Variants in TMEM272 observed in about 807,000 individuals in gnomAD.
The protein encoded by TMEM272 is transmembrane protein 272.
In TMEM272, 8 loss-of-function variants were observed where a neutral mutation model predicts 3.7. The ratio of observed to expected loss-of-function variants is 2.17; its 90% confidence interval spans 1.27 to 3.91. The LOEUF is 3.91. TMEM272 is among the 30% of genes most tolerant of loss of function. The probability of loss-of-function intolerance (pLI) is 0.00; values close to 1 mark genes in which losing one functional copy is unlikely to be tolerated. For synonymous variants in TMEM272, 63 were observed against 39.8 expected (o/e 1.58, Z -2.20); for missense variants, 166 against 91.5 (o/e 1.81, Z -3.32).
chr13:51,839,579 T>C (rs1837299216), intron 1 of TMEM272, among the ~76,000 whole-genome samples: 1 of 152,200 alleles, frequency 6.6e-6, no homozygotes, highest in Non-Finnish European at 1.5e-5. Flanking sequence ...TGCAGGGGTT[T>C]GCAAACCAAG....
chr13:51,815,425 C>T lies in TMEM272; in HGVS notation c.*1326G>A, dbSNP rs1240903898. 6.6e-6 allele frequency: 1 copy of T among 152,510 alleles called. No homozygotes were observed. Among genetic ancestry groups the T allele is most frequent in the East Asian group, 1.9e-4 (1 of 5,184 alleles). 9.4% of individuals were successfully genotyped at this position (152,510 alleles called of 1,614,324 possible). ...TCACGGGGCCTTTCTCTTAAAGCTACGGAGAAGAATGAGCCTCTTGGTTTG... is the reference window on the plus strand; with the variant it reads ...TCACGGGGCCTTTCTCTTAAAGCTATGGAGAAGAATGAGCCTCTTGGTTTG... On this transcript the variant is annotated 3_prime_UTR_variant, in exon 5 of 5. Coordinates refer to ENST00000629372, the MANE Select transcript of TMEM272 (RefSeq NM_001351003.2).
chr13:51,865,376 C>G, the TMEM272 span: 11 of 1,582,630 alleles, frequency 7.0e-6, no homozygotes, highest in Non-Finnish European at 9.4e-6. Context: ...CCTGTCATCC[C>G]TCATGGCCAC....
the TMEM272 span, chr13:51,910,028 T>C: frequency 1.0e-5 from 15 of 1,460,110 alleles, no homozygotes; most frequent in Admixed American, 1.7e-5. Context: ...CTTCATTCAT[T>C]TGAAATCCCT....
At chr13:51,897,333 C>T in the TMEM272 span, among the ~76,000 whole-genome samples, 2 of 150,484 alleles carry the variant, frequency 1.3e-5, no homozygotes, top group African/African-American at 2.4e-5. Flanking sequence ...GTAGCTGGGA[C>T]CACACATGCA....
At chr13:51,852,617 A>C in the TMEM272 span, among the ~76,000 whole-genome samples, 194 of 152,138 alleles carry the variant, frequency 1.3e-3, no homozygotes, top group African/African-American at 3.5e-3. Flanking sequence ...CGGTGGCTCA[A>C]GCCTGTAATC....
intron 4 of TMEM272, 52 bp downstream of exon 4, chr13:51,822,003 C>A: frequency 1.4e-6 from 1 of 702,190 alleles, no homozygotes; most frequent in Non-Finnish European, 2.6e-6. Context: ...TTACAGGATG[C>A]CTGTGAGTTA....
chr13:51,880,985 G>C, the TMEM272 span, among the ~76,000 whole-genome samples: 34 of 152,344 alleles, frequency 2.2e-4, no homozygotes, highest in African/African-American at 7.9e-4. Flanking sequence ...AGGTCCTGGA[G>C]AATGTTGGGA....
chr13:51,876,249 G>A, the TMEM272 span, among the ~76,000 whole-genome samples: 1 of 152,172 alleles, frequency 6.6e-6, no homozygotes, highest in Non-Finnish European at 1.5e-5. Flanking sequence ...TCCAAATTAT[G>A]TTCTCTTTTA....
At chr13:51,858,403 T>A in the TMEM272 span, among the ~76,000 whole-genome samples, 1 of 152,168 alleles carries the variant, frequency 6.6e-6, no homozygotes, top group Non-Finnish European at 1.5e-5. Flanking sequence ...ATATACTTTG[T>A]GCAAACCATA....
chr13:51,871,131 C>T, the TMEM272 span, among the ~76,000 whole-genome samples: 1 of 152,058 alleles, frequency 6.6e-6, no homozygotes, highest in Admixed American at 6.6e-5. Flanking sequence ...CCATCCCCAC[C>T]CACACTGAGT....
At chr13:51,838,369 C>A in intron 2 of TMEM272, 104 bp downstream of exon 2, 1 of 697,656 alleles carries the variant, frequency 1.4e-6, no homozygotes, top group Non-Finnish European at 2.6e-6. Context: ...CACCCCATAC[C>A]AAGCACAGCC....
chr13:51,905,002 T>C, the TMEM272 span, among the ~76,000 whole-genome samples: 2 of 152,274 alleles, frequency 1.3e-5, no homozygotes, highest in Non-Finnish European at 2.9e-5. Context: ...ATCCCTGCCC[T>C]CCAACCACTT....
At chr13:51,869,655 A>G in the TMEM272 span, among the ~76,000 whole-genome samples, 82 of 152,014 alleles carry the variant, frequency 5.4e-4, 1 homozygote, top group South Asian at 5.4e-3. Context: ...ATGCCCGGCT[A>G]ATTTTTGTAT....
the TMEM272 span, among the ~76,000 whole-genome samples, chr13:51,919,059 G>A: frequency 6.6e-6 from 1 of 151,732 alleles, no homozygotes; most frequent in African/African-American, 2.4e-5. Flanking sequence ...TTCTCTACCT[G>A]CTTTGTGAAA....
chr13:51,913,172 G>A, the TMEM272 span, among the ~76,000 whole-genome samples: 1 of 152,152 alleles, frequency 6.6e-6, no homozygotes, highest in African/African-American at 2.4e-5. Context: ...GGTTGAAGGT[G>A]AAAGCTCCTC....
the TMEM272 span, among the ~76,000 whole-genome samples, chr13:51,925,053 T>G: frequency 2.9e-3 from 449 of 152,298 alleles, 1 homozygote; most frequent in Non-Finnish European, 4.4e-3. Context: ...CACCTCTTCC[T>G]CTGGGAAGCC....
chr13:51,900,884 G>T, the TMEM272 span, among the ~76,000 whole-genome samples: 16 of 152,162 alleles, frequency 1.1e-4, no homozygotes, highest in Non-Finnish European at 2.4e-4. Context: ...CACGTTTTAT[G>T]GTTCCATTTA....
chr13:51,852,781 A>G, the TMEM272 span, among the ~76,000 whole-genome samples: 3,686 of 151,770 alleles, frequency 0.024, 142 homozygotes, highest in African/African-American at 0.084. Context: ...TGGGAGGCTG[A>G]GGCAGGAGAA....
chr13:51,916,527 C>T, the TMEM272 span, among the ~76,000 whole-genome samples: 1 of 152,312 alleles, frequency 6.6e-6, no homozygotes, highest in East Asian at 1.9e-4. Context: ...TTTTAGTCTG[C>T]ATTTTAGTTT....
Sources: gnomAD v4.1 joint callset for allele counts (sites outside exome capture counted in the v4.1 genomes callset) on GRCh38, gnomAD v4.1.1 for gene constraint, MANE v1.5 for transcripts, NCBI Gene and HGNC (gene_info 2026-07-23, HGNC 2026-07-21) for gene names.